MPC2: variants seen among roughly 807,000 people sequenced by gnomAD.
MPC2 encodes the protein mitochondrial pyruvate carrier 2.
MPC2 carries 19 observed loss-of-function variants against 19.2 expected under a neutral mutation model. The ratio of observed to expected loss-of-function variants is 0.99; its 90% confidence interval spans 0.69 to 1.45. The LOEUF (loss-of-function observed/expected upper bound fraction) is 1.45. MPC2 is among the 40% of genes most tolerant of loss of function. MPC2 has a pLI of 0.00. For missense variants in MPC2, 122 were observed against 153.0 expected (o/e 0.80, Z 1.07); for synonymous variants, 61 against 54.3 (o/e 1.12, Z -0.54).
At chr1:167,933,326 C>A (rs910012011) in intron 2 of MPC2, among the ~76,000 whole-genome samples, 1 of 152,114 alleles carries the variant, frequency 6.6e-6, no homozygotes, top group African/African-American at 2.4e-5. Flanking sequence ...CGCCACTACA[C>A]CCGGCTAATT....
At chr1:167,928,202 G>A (rs2102548304) in intron 2 of MPC2, among the ~76,000 whole-genome samples, 1 of 152,074 alleles carries the variant, frequency 6.6e-6, no homozygotes, top group East Asian at 1.9e-4. Context: ...CAAAAAATTA[G>A]CTGCGCGTGG....
intron 2 of MPC2, among the ~76,000 whole-genome samples, chr1:167,925,671 C>A (rs1257494208): frequency 6.6e-6 from 1 of 151,142 alleles, no homozygotes; most frequent in African/African-American, 2.4e-5. Flanking sequence ...CTTAGCCTCC[C>A]AAGTAGCTGG....
At chr1:167,936,693 G>C (rs1035300285) in intron 1 of MPC2, 11 of 527,024 alleles carry the variant, frequency 2.1e-5, no homozygotes, top group Non-Finnish European at 3.4e-5. Flanking sequence ...GGATGTTCTG[G>C]TTAGTCTAAG....
intron 3 of MPC2, among the ~76,000 whole-genome samples, chr1:167,923,637 G>A (rs1248954215): frequency 6.6e-6 from 1 of 151,844 alleles, no homozygotes; most frequent in Non-Finnish European, 1.5e-5. Flanking sequence ...TGTACTTAAC[G>A]CTACTGAACT....
intron 5 of MPC2, among the ~76,000 whole-genome samples, chr1:167,919,591 T>A (rs1165687228): frequency 6.6e-6 from 1 of 152,166 alleles, no homozygotes; most frequent in Non-Finnish European, 1.5e-5. Flanking sequence ...ATTTATTATA[T>A]ACAATTGAAA....
chr1:167,932,436 C>T (rs1474782887), intron 2 of MPC2, among the ~76,000 whole-genome samples: 1 of 152,110 alleles, frequency 6.6e-6, no homozygotes, highest in East Asian at 1.9e-4. Context: ...GGATGACTTA[C>T]CCCATTTTGG....
chr1:167,935,971 TC>T, intron 1 of MPC2, 73 bp from the exon 2 acceptor site: 1 of 702,440 alleles, frequency 1.4e-6, no homozygotes, highest in East Asian at 2.7e-5. Flanking sequence ...GGAGTACCCT[TC>T]CCGCGGCTTT....
intron 2 of MPC2, among the ~76,000 whole-genome samples, chr1:167,925,466 T>TATATAC (rs1670721533): frequency 8.6e-6 from 1 of 116,916 alleles, no homozygotes; most frequent in South Asian, 2.5e-4. Flanking sequence ...TATATATATA[T>TATATAC]ATATATATAC....
At chr1:167,932,556 C>T (rs534499566) in intron 2 of MPC2, among the ~76,000 whole-genome samples, 5 of 152,040 alleles carry the variant, frequency 3.3e-5, no homozygotes, top group South Asian at 4.1e-4. Flanking sequence ...CACCTGTAAT[C>T]CCAGCACTTT....
At chr1:167,918,520 A>C (rs989788116) in intron 5 of MPC2, among the ~76,000 whole-genome samples, 161 bp from the exon 6 acceptor site, 7 of 152,164 alleles carry the variant, frequency 4.6e-5, no homozygotes, top group Non-Finnish European at 8.8e-5. Context: ...AGAAACAGGC[A>C]GAAAGGAAAG....
At chr1:167,936,867 TCCCCC>T (rs1557862276) in intron 1 of MPC2, 67 bp downstream of exon 1, 2 of 642,392 alleles carry the variant, frequency 3.1e-6, no homozygotes, top group Admixed American at 4.7e-5. Flanking sequence ...CCTCCTCCCC[TCCCCC>T]ACGCGGTGGT....
intron 2 of MPC2, among the ~76,000 whole-genome samples, chr1:167,932,489 T>G (rs1210479857): frequency 6.6e-6 from 1 of 152,118 alleles, no homozygotes; most frequent in African/African-American, 2.4e-5. Context: ...ACTGATAATT[T>G]TTTTGTTTTC....
At position 167,936,918 on chromosome 1, in the gene MPC2, CG is replaced by C; in HGVS notation, c.-58+20del. On this transcript the variant is annotated intron_variant, in intron 1 of 5. Coordinates refer to ENST00000271373, the MANE Select transcript of MPC2 (RefSeq NM_001143674.4). The stretch of plus-strand genomic sequence containing the variant: ...ACCCGGCTCAGGCAGAGCCATGTCT[CG>C]GGGTGGCTCCTACCCACACCTGTTG... 6.2e-7 allele frequency: 1 copy of C among 1,603,510 alleles called. No individual in the cohort carries two copies. Among genetic ancestry groups the C allele is most frequent in the Admixed American group, 1.7e-5 (1 of 58,652 alleles).
intron 2 of MPC2, among the ~76,000 whole-genome samples, chr1:167,934,149 T>C (rs1275477072): frequency 1.3e-5 from 2 of 152,178 alleles, no homozygotes; most frequent in East Asian, 1.9e-4. Flanking sequence ...TGAAAGGTAA[T>C]CCCTCTTCAT....
intron 5 of MPC2, among the ~76,000 whole-genome samples, chr1:167,919,121 A>G (rs761305079): frequency 3.3e-5 from 5 of 152,238 alleles, no homozygotes; most frequent in Admixed American, 1.3e-4. Context: ...AGTAATCACT[A>G]AAGTAAAATA....
chr1:167,924,471 A>G, intron 3 of MPC2, 26 bp downstream of exon 3: 1 of 1,586,900 alleles, frequency 6.3e-7, no homozygotes, highest in South Asian at 1.1e-5. Context: ...GTCTTTCAGT[A>G]GCTTCCGTAA....
At chr1:167,928,683 G>A (rs908742421) in intron 2 of MPC2, among the ~76,000 whole-genome samples, 1 of 152,186 alleles carries the variant, frequency 6.6e-6, no homozygotes, top group Non-Finnish European at 1.5e-5. Context: ...ACAGGCTTAT[G>A]TTCTGTACAA....
intron 2 of MPC2, among the ~76,000 whole-genome samples, chr1:167,934,866 C>T (rs1557858158): frequency 6.6e-6 from 1 of 152,042 alleles, no homozygotes; most frequent in Non-Finnish European, 1.5e-5. Context: ...TTACAACTCA[C>T]TTTATAGAAG....
chr1:167,925,466 T>TAC (rs1670721482), intron 2 of MPC2, among the ~76,000 whole-genome samples: 2 of 116,936 alleles, frequency 1.7e-5, no homozygotes, highest in African/African-American at 4.1e-5. Context: ...TATATATATA[T>TAC]ATATATATAC....
Sources: gnomAD v4.1 joint callset for allele counts (sites outside exome capture counted in the v4.1 genomes callset) on GRCh38, gnomAD v4.1.1 for gene constraint, MANE v1.5 for transcripts, NCBI Gene and HGNC (gene_info 2026-07-23, HGNC 2026-07-21) for gene names.